Variants in OTUD7A observed in about 807,000 individuals in gnomAD.
The protein encoded by OTUD7A is OTU domain-containing protein 7A.
Under a neutral mutation model 65.7 loss-of-function variants are expected in OTUD7A, and 12 were observed. The ratio of observed to expected loss-of-function variants is 0.18; its 90% confidence interval spans 0.12 to 0.30. The LOEUF (loss-of-function observed/expected upper bound fraction) is 0.30, where lower values mean the gene tolerates loss of function less well. Ranked by LOEUF, OTUD7A falls within the 10% of genes least tolerant of loss-of-function variation. The pLI, the probability that OTUD7A is intolerant of heterozygous loss-of-function variation, is 1.00. For missense variants in OTUD7A, 1,148 were observed against 1,304.8 expected (o/e 0.88, Z 1.85); for synonymous variants, 641 against 586.3 (o/e 1.09, Z -1.35).
chr15:31,627,082 C>T (rs1186822964), intron 3 of OTUD7A, among the ~76,000 whole-genome samples: 1 of 151,744 alleles, frequency 6.6e-6, no homozygotes, highest in East Asian at 1.9e-4. Flanking sequence ...GTGGCTATGG[C>T]AACTTCTTTT....
At chr15:31,868,125 G>A (rs1897928301) in intron 1 of OTUD7A, among the ~76,000 whole-genome samples, 1 of 152,176 alleles carries the variant, frequency 6.6e-6, no homozygotes, top group Admixed American at 6.5e-5. Flanking sequence ...AGAAAATCAG[G>A]GCAATTTTTA....
At chr15:31,838,391 C>T (rs1897105716) in intron 1 of OTUD7A, among the ~76,000 whole-genome samples, 1 of 152,184 alleles carries the variant, frequency 6.6e-6, no homozygotes, top group South Asian at 2.1e-4. Flanking sequence ...CATCCAGGGA[C>T]CAAGCCAGAG....
intron 1 of OTUD7A, among the ~76,000 whole-genome samples, chr15:31,708,793 C>G (rs543573793): frequency 6.6e-6 from 1 of 151,514 alleles, no homozygotes; most frequent in African/African-American, 2.4e-5. Flanking sequence ...CTATCTGTCA[C>G]GGACAAGGGG....
At chr15:31,539,854 T>A (rs1887933221) in intron 5 of OTUD7A, among the ~76,000 whole-genome samples, 1 of 152,206 alleles carries the variant, frequency 6.6e-6, no homozygotes, top group Admixed American at 6.5e-5. Flanking sequence ...TAAATACTCA[T>A]CTTCCAATTT....
intron 1 of OTUD7A, among the ~76,000 whole-genome samples, chr15:31,743,522 A>G (rs1415907800): frequency 6.6e-6 from 1 of 152,174 alleles, no homozygotes; most frequent in Non-Finnish European, 1.5e-5. Flanking sequence ...CTAAGTTTTC[A>G]CCTTAAGTAT....
intron 5 of OTUD7A, among the ~76,000 whole-genome samples, chr15:31,548,551 G>A (rs942138285): frequency 1.3e-5 from 2 of 151,986 alleles, no homozygotes; most frequent in African/African-American, 2.4e-5. Flanking sequence ...CAAACCCTTC[G>A]GCTTCCCCAA....
At chr15:31,762,276 C>A (rs1370395147) in intron 1 of OTUD7A, among the ~76,000 whole-genome samples, 1 of 152,208 alleles carries the variant, frequency 6.6e-6, no homozygotes, top group Non-Finnish European at 1.5e-5. Context: ...GGGGAATTCT[C>A]CTCTCTGCCC....
intron 1 of OTUD7A, among the ~76,000 whole-genome samples, chr15:31,769,793 C>A (rs1334574656): frequency 6.6e-6 from 1 of 152,058 alleles, no homozygotes; most frequent in African/African-American, 2.4e-5. Flanking sequence ...TTAGTGGTTG[C>A]CAGGGGTTAG....
intron 1 of OTUD7A, among the ~76,000 whole-genome samples, chr15:31,802,000 C>A (rs1368476995): frequency 6.6e-6 from 1 of 151,846 alleles, no homozygotes; most frequent in African/African-American, 2.4e-5. Context: ...CAGTTACCTC[C>A]CATTTTGTTA....
At chr15:31,638,440 C>T (rs1225173373) in intron 3 of OTUD7A, among the ~76,000 whole-genome samples, 5 of 143,410 alleles carry the variant, frequency 3.5e-5, no homozygotes, top group African/African-American at 5.3e-5. Context: ...AGTAGAGTGG[C>T]GTGATTTCCA....
intron 3 of OTUD7A, among the ~76,000 whole-genome samples, chr15:31,611,277 C>T (rs946507541): frequency 6.6e-6 from 1 of 152,004 alleles, no homozygotes; most frequent in Non-Finnish European, 1.5e-5. Flanking sequence ...AAAGCCAAAC[C>T]CAGCAGAATA....
At chr15:31,549,144 A>G (rs2141143914) in intron 5 of OTUD7A, among the ~76,000 whole-genome samples, 1 of 151,908 alleles carries the variant, frequency 6.6e-6, no homozygotes, top group African/African-American at 2.4e-5. Context: ...TCAAAAAAAA[A>G]AAAAAAAAAA....
chr15:31,599,748 A>C (rs1890019133), intron 3 of OTUD7A, among the ~76,000 whole-genome samples: 1 of 152,204 alleles, frequency 6.6e-6, no homozygotes, highest in Non-Finnish European at 1.5e-5. Context: ...CCTTGAAAAA[A>C]GGTTAGACGA....
At chr15:31,836,862 A>G (rs371432500) in intron 1 of OTUD7A, among the ~76,000 whole-genome samples, 10 of 152,216 alleles carry the variant, frequency 6.6e-5, no homozygotes, top group African/African-American at 2.4e-4. Flanking sequence ...GGCCATCTAT[A>G]AAAAACAGAT....
intron 3 of OTUD7A, among the ~76,000 whole-genome samples, chr15:31,631,734 C>T (rs577811183): frequency 2.0e-3 from 307 of 152,288 alleles, no homozygotes; most frequent in African/African-American, 6.9e-3. Flanking sequence ...ACCAATCAGA[C>T]GTAAATTTGG....
At chr15:31,719,463 T>A (rs1277935463) in intron 1 of OTUD7A, among the ~76,000 whole-genome samples, 3 of 151,668 alleles carry the variant, frequency 2.0e-5, no homozygotes, top group Non-Finnish European at 4.4e-5. Context: ...GATGCAGGAG[T>A]CAACTTTAAC....
intron 1 of OTUD7A, among the ~76,000 whole-genome samples, chr15:31,812,368 C>T (rs1896442011): frequency 6.6e-6 from 1 of 152,288 alleles, no homozygotes; most frequent in Non-Finnish European, 1.5e-5. Context: ...CCACATTAGC[C>T]ACCCTGAGGT....
intron 1 of OTUD7A, among the ~76,000 whole-genome samples, chr15:31,854,174 T>C (rs1174831698): frequency 6.6e-6 from 1 of 152,158 alleles, no homozygotes; most frequent in African/African-American, 2.4e-5. Flanking sequence ...TCCTTGTCTT[T>C]TATGCTTTTT....
intron 3 of OTUD7A, among the ~76,000 whole-genome samples, chr15:31,636,537 GT>G (rs1288894790): frequency 6.6e-6 from 1 of 151,682 alleles, no homozygotes; most frequent in Admixed American, 6.6e-5. Flanking sequence ...AAAATGTCAA[GT>G]TGTTCAAATG....
Sources: allele counts gnomAD v4.1 joint callset (sites outside exome capture counted in the v4.1 genomes callset), GRCh38; gene constraint gnomAD v4.1.1; transcripts MANE v1.5; gene names NCBI Gene and HGNC (gene_info 2026-07-23, HGNC 2026-07-21).